FGF18: variants seen among roughly 807,000 people sequenced by gnomAD.
FGF18 encodes the protein fibroblast growth factor 18.
FGF18 carries 5 observed loss-of-function variants against 23.0 expected under a neutral mutation model. The observed-to-expected ratio is 0.22, with a 90% CI of 0.11 to 0.46. The LOEUF is 0.46. FGF18 is among the 20% of genes least tolerant of loss of function. The pLI, the probability that FGF18 is intolerant of heterozygous loss-of-function variation, is 0.99. For synonymous variants in FGF18, 117 were observed against 118.9 expected (o/e 0.98, Z 0.10); for missense variants, 180 against 291.6 (o/e 0.62, Z 2.79).
chr5:171,430,273 A>G (rs10041856), intron 2 of FGF18, among the ~76,000 whole-genome samples: 28,107 of 149,466 alleles, frequency 0.19, 2,753 homozygotes, highest in South Asian at 0.31. Flanking sequence ...CGGGAGAATC[A>G]CATGAACCCA....
At position 171,419,958 on chromosome 5, in the gene FGF18, G is replaced by C. The variant is rs984921631; in HGVS notation, c.-242G>C. The C allele has an allele frequency of 6.0e-6, 1 of 167,666 alleles. No homozygotes were observed. Among genetic ancestry groups the C allele is most frequent in the African/African-American group, 2.4e-5 (1 of 41,582 alleles). The allele number at this position is 167,666 out of a possible 1,614,324, so 10.4% of individuals were successfully genotyped here. A position where few individuals can be genotyped will look rare whatever the true frequency, so the allele number is the denominator to read the frequency against. On this transcript the variant is annotated 5_prime_UTR_variant, in exon 1 of 5. Transcript: ENST00000274625. ...CCTCCTGCACAGCGGCTGCCGCCCC[G>C]CAGCCCCTGCGCCAGCCCGGAGGGC...
chr5:171,427,544 A>G (rs1222533107), intron 2 of FGF18, among the ~76,000 whole-genome samples: 1 of 152,108 alleles, frequency 6.6e-6, no homozygotes, highest in Non-Finnish European at 1.5e-5. Flanking sequence ...CTGAGTCTCC[A>G]CTTCCTCCCC....
intron 2 of FGF18, among the ~76,000 whole-genome samples, chr5:171,428,652 G>T (rs368946385): frequency 1.3e-5 from 2 of 152,198 alleles, no homozygotes; most frequent in Non-Finnish European, 1.5e-5. Flanking sequence ...GGTGGCTGGC[G>T]CATCCATTCC....
intron 3 of FGF18, among the ~76,000 whole-genome samples, chr5:171,437,521 G>T (rs757796140): frequency 2.0e-4 from 30 of 151,954 alleles, no homozygotes; most frequent in Non-Finnish European, 3.7e-4. Context: ...TCTTCCTTTC[G>T]CAGCTTTTCC....
At chr5:171,442,570 G>A (rs1367253503) in intron 3 of FGF18, among the ~76,000 whole-genome samples, 1 of 152,372 alleles carries the variant, frequency 6.6e-6, no homozygotes, top group East Asian at 1.9e-4. Flanking sequence ...CAGCTCCCCT[G>A]CTGCTCTTGC....
At position 171,451,012 on chromosome 5, in the gene FGF18, T is replaced by TG. The variant is rs1246030573; in HGVS notation, c.357+1760dup. Among the ~76,000 whole-genome samples the TG allele has an allele frequency of 6.6e-6, 1 of 151,980 alleles. No homozygotes were observed. Among genetic ancestry groups the TG allele is most frequent in the African/African-American group, 2.4e-5 (1 of 41,414 alleles). ...CCCGGCATCTTGACCCCAGGAGGGCTGCGCGGGGGTCAAAAGAGCAGCCCC... is the reference window on the plus strand; with the variant it reads ...CCCGGCATCTTGACCCCAGGAGGGCTGGCGCGGGGGTCAAAAGAGCAGCCCC... On this transcript the variant is annotated intron_variant, in intron 4 of 4. Coordinates refer to ENST00000274625, the MANE Select transcript of FGF18 (RefSeq NM_003862.3). This position sits in a 1 kb window ranked among gnomAD's most constrained non-coding sequence, Gnocchi z 4.5.
intron 3 of FGF18, among the ~76,000 whole-genome samples, chr5:171,446,332 G>A (rs1772418790): frequency 6.6e-6 from 1 of 152,148 alleles, no homozygotes; most frequent in Admixed American, 6.5e-5. Context: ...GGTGAGGGGT[G>A]GGGGTTGTGC....
chr5:171,425,765 C>T (rs182545287), intron 2 of FGF18, among the ~76,000 whole-genome samples: 83 of 146,402 alleles, frequency 5.7e-4, no homozygotes, highest in African/African-American at 1.7e-3. Context: ...CTCCTGACCT[C>T]GTGATCTGCT....
intron 2 of FGF18, among the ~76,000 whole-genome samples, chr5:171,429,947 G>A (rs545628541): frequency 1.3e-5 from 2 of 152,360 alleles, no homozygotes; most frequent in East Asian, 3.9e-4. Flanking sequence ...GCAGGCGAGG[G>A]CAAAGCAGGA....
At chr5:171,437,427 C>G (rs954808352) in intron 3 of FGF18, among the ~76,000 whole-genome samples, 1 of 152,208 alleles carries the variant, frequency 6.6e-6, no homozygotes, top group African/African-American at 2.4e-5. Flanking sequence ...CCATGCTGGG[C>G]TTGTGCACCT....
chr5:171,432,870 G>A (rs191150124), intron 2 of FGF18, among the ~76,000 whole-genome samples: 106 of 152,352 alleles, frequency 7.0e-4, no homozygotes, highest in African/African-American at 2.3e-3. Flanking sequence ...TTTGGCATGC[G>A]TTTGCTGGTT....
rs1358228180 is a variant in FGF18 at position 171,457,546 on chromosome 5, C to T, written c.*741C>T. On this transcript the variant is annotated 3_prime_UTR_variant, in exon 5 of 5. Coordinates refer to ENST00000274625, the MANE Select transcript of FGF18 (RefSeq NM_003862.3). ...TATATATATAAGCTATTTATTTCAC[C>T]TCTCTGTATATTGCAGTTTCATGAA... 1 of 151,812 alleles carries T rather than the reference C, an allele frequency of 6.6e-6. No homozygotes were observed. Among genetic ancestry groups the T allele is most frequent in the Non-Finnish European group, 1.5e-5 (1 of 68,000 alleles). 9.4% of individuals were successfully genotyped at this position (151,812 alleles called of 1,614,324 possible).
chr5:171,443,500 C>CTTTT lies in FGF18; in HGVS notation c.251-5647_251-5646insTTTT, dbSNP rs766926286. On this transcript the variant is annotated intron_variant, in intron 3 of 4. Coordinates refer to ENST00000274625, the MANE Select transcript of FGF18 (RefSeq NM_003862.3). ...TCAGATAAGTATTCACTGTTATCAT[C>CTTTT]ATTTTTTTTTTTTTTTTTTTTTTTT... Among the ~76,000 whole-genome samples the CTTTT allele has an allele frequency of 3.1e-3, 219 of 70,408 alleles. 19 individuals carry two copies. Among genetic ancestry groups the CTTTT allele is most frequent in the Admixed American group, 4.2e-3 (19 of 4,532 alleles). 46.2% of individuals were successfully genotyped at this position (70,408 alleles called of 152,430 possible). A position where few individuals can be genotyped will look rare whatever the true frequency, so the allele number is the denominator to read the frequency against.
chr5:171,443,500 C>CTTTTTTTTTTTTTTTTTTTTTTTTTTTTT (rs766926286), intron 3 of FGF18, among the ~76,000 whole-genome samples: 1 of 70,412 alleles, frequency 1.4e-5, no homozygotes, highest in East Asian at 5.7e-4. Context: ...CTGTTATCAT[C>CTTTTTTTTTTTTTTTTTTTTTTTTTTTTT]ATTTTTTTTT....
At chr5:171,429,066 G>C (rs1231041955) in intron 2 of FGF18, among the ~76,000 whole-genome samples, 1 of 152,192 alleles carries the variant, frequency 6.6e-6, no homozygotes, top group Non-Finnish European at 1.5e-5. Flanking sequence ...GTCACTGTCT[G>C]TCCTGGCTGA....
chr5:171,430,425 C>T (rs928350173), intron 2 of FGF18, among the ~76,000 whole-genome samples: 9 of 151,796 alleles, frequency 5.9e-5, no homozygotes, highest in Non-Finnish European at 1.3e-4. Flanking sequence ...GGAAGACATC[C>T]CTCAAGAGAT....
In FGF18 at chr5:171,457,105, A is replaced by G. The variant is rs1772596511; in HGVS notation, c.*300A>G. 3.7e-6 allele frequency: 1 copy of G among 269,376 alleles called. No homozygotes were observed. The highest frequency in any genetic ancestry group is 5.0e-5 in the Admixed American group (1 of 20,070). The allele number at this position is 269,376 out of a possible 1,614,324, so 16.7% of individuals were successfully genotyped here. A position where few individuals can be genotyped will look rare whatever the true frequency, so the allele number is the denominator to read the frequency against. ...TCGTCCCCAGAGGAGGACTTGAATG[A>G]GGAAACCAACACTTTGAGAAACCAA... is the stretch of plus-strand genomic sequence containing the variant. On this transcript the variant is annotated 3_prime_UTR_variant, in exon 5 of 5. Coordinates refer to ENST00000274625, the MANE Select transcript of FGF18 (RefSeq NM_003862.3).
chr5:171,436,390 G>A lies in FGF18; in HGVS notation c.250+117G>A. 2 of 771,660 alleles carry A rather than the reference G, an allele frequency of 2.6e-6. No homozygotes were observed. The highest frequency in any genetic ancestry group is 3.8e-6 in the Non-Finnish European group (2 of 527,696). The allele number at this position is 771,660 out of a possible 1,614,324, so 47.8% of individuals were successfully genotyped here. The stretch of plus-strand genomic sequence containing the variant: ...CTCCTGGCTGTGTGATCTTGGACCT[G>A]GCACTGACCCTTTCTGGGTCTGTTT... On this transcript the variant is annotated intron_variant, in intron 3 of 4. Coordinates refer to ENST00000274625, the MANE Select transcript of FGF18 (RefSeq NM_003862.3). This position sits in a 1 kb window ranked among gnomAD's most constrained non-coding sequence, Gnocchi z 4.4.
In FGF18 at chr5:171,440,050, G is replaced by T. The variant is rs1049224046; in HGVS notation, c.250+3777G>T. On this transcript the variant is annotated intron_variant, in intron 3 of 4. Coordinates refer to ENST00000274625, the MANE Select transcript of FGF18 (RefSeq NM_003862.3). This position sits in a 1 kb window ranked among gnomAD's most constrained non-coding sequence, Gnocchi z 4.0. Reference sequence around the variant, plus strand: ...TCAGCTCAGGAATCTAATGGGATTTGAATCTCGGCTCCACCACTTTCGAGT... The same window carrying T: ...TCAGCTCAGGAATCTAATGGGATTTTAATCTCGGCTCCACCACTTTCGAGT... Among the ~76,000 whole-genome samples the T allele has an allele frequency of 6.6e-6, 1 of 152,202 alleles. No individual in the cohort carries two copies. The highest frequency in any genetic ancestry group is 1.5e-5 in the Non-Finnish European group (1 of 68,048).
Sources: gnomAD v4.1 joint callset for allele counts (sites outside exome capture counted in the v4.1 genomes callset) on GRCh38, gnomAD v4.1.1 for gene constraint, Gnocchi (gnomAD v3.1) non-coding constraint, MANE v1.5 for transcripts, NCBI Gene and HGNC (gene_info 2026-07-23, HGNC 2026-07-21) for gene names.